The following CUZD1 variants were observed in gnomAD, a reference collection of about 807,000 sequenced individuals.
CUZD1 encodes the protein CUB and zona pellucida-like domain-containing protein 1.
A neutral mutation model predicts 53.1 loss-of-function variants in CUZD1; 42 were observed. The observed-to-expected ratio is 0.79, with a 90% CI of 0.62 to 1.02. The LOEUF is 1.02. Ranked by LOEUF, CUZD1 falls within the 50% of genes least tolerant of loss-of-function variation. CUZD1 has a pLI of 0.00. For missense variants in CUZD1, 670 were observed against 715.7 expected, an observed-to-expected ratio of 0.94 and a Z score of 0.73; for synonymous variants, 238 against 257.2, an observed-to-expected ratio of 0.93 and a Z score of 0.71.
At chr10:122,844,656 T>G (rs1397831991) in intron 1 of CUZD1, among the ~76,000 whole-genome samples, 1 of 152,132 alleles carries the variant, frequency 6.6e-6, no homozygotes, top group Non-Finnish European at 1.5e-5. Flanking sequence ...TCACTTGAGC[T>G]CAGGAGTTCG....
At chr10:122,834,000 TA>T (rs1847203545) in intron 7 of CUZD1, 60 bp from the exon 8 acceptor site, 3 of 1,500,068 alleles carry the variant, frequency 2.0e-6, no homozygotes, top group Non-Finnish European at 2.7e-6. Context: ...TTTTCCATAC[TA>T]AAAAGTTTTC....
chr10:122,836,798 T>C, intron 5 of CUZD1, 33 bp downstream of exon 5: 1 of 1,546,050 alleles, frequency 6.5e-7, no homozygotes, highest in Non-Finnish European at 8.9e-7. Flanking sequence ...TTCGAAGAGC[T>C]CAAAATAGCT....
chr10:122,840,671 T>C (rs1216861928), intron 2 of CUZD1, among the ~76,000 whole-genome samples: 9 of 152,134 alleles, frequency 5.9e-5, no homozygotes, highest in Admixed American at 5.9e-4. Context: ...AAAGCACTTA[T>C]AAATGTATAC....
rs143165793 is a variant in CUZD1 at position 122,843,473 on chromosome 10, G to C, written c.83-2145C>G. On this transcript the variant is annotated intron_variant, in intron 1 of 8. Coordinates refer to ENST00000392790, the MANE Select transcript of CUZD1 (RefSeq NM_022034.6). ...AATAGTTGTTTACTATATTATTTAGGAAATAACAGCAAGGAAAAAAGTTTG... is the reference window on the plus strand; with the variant it reads ...AATAGTTGTTTACTATATTATTTAGCAAATAACAGCAAGGAAAAAAGTTTG... 6.4e-3 allele frequency among the ~76,000 whole-genome samples: 978 copies of C among 152,186 alleles called. 7 individuals carry two copies. The highest frequency in any genetic ancestry group is 9.3e-3 in the South Asian group (45 of 4,820).
Position 122,837,400 on chromosome 10 carries a change from T to A in CUZD1, c.599+4A>T, listed in dbSNP as rs1396090695. 8 of 1,613,950 alleles carry A rather than the reference T, an allele frequency of 5.0e-6. No homozygotes were observed. Among genetic ancestry groups the A allele is most frequent in the Non-Finnish European group, 6.8e-6 (8 of 1,179,958 alleles). Reference sequence around the variant, plus strand: ...TTCCAACAGAATTGGGCAGCAGTACTTACAAAATCTCTTTGAAGTTTAGTT... The same window carrying A: ...TTCCAACAGAATTGGGCAGCAGTACATACAAAATCTCTTTGAAGTTTAGTT... On this transcript the variant is annotated splice_donor_region_variant and intron_variant, in intron 4 of 8. Coordinates refer to ENST00000392790, the MANE Select transcript of CUZD1 (RefSeq NM_022034.6).
intron 4 of CUZD1, 87 bp from the exon 5 acceptor site, chr10:122,837,135 A>T (rs895419958): frequency 9.1e-7 from 1 of 1,102,372 alleles, no homozygotes; most frequent in African/African-American, 1.6e-5. Flanking sequence ...CTCTTAAGTG[A>T]TTATGGATTT....
In CUZD1 at chr10:122,835,025, G is replaced by A. The variant is rs774856051; in HGVS notation, c.1063C>T (p.Arg355Cys). The A allele has an allele frequency of 3.3e-5, 54 of 1,612,780 alleles. No individual in the cohort carries two copies. The highest frequency in any genetic ancestry group is 7.7e-5 in the South Asian group (7 of 90,894). The stretch of plus-strand genomic sequence containing the variant: ...ACAATAATCTGGAGTTGTTTCTGAC[G>A]GGTGATCACTTCAGAAGTTGAGGAT... ...SASSTSEVITRQKQLQIIVKC... is the reference protein window; with the variant it reads ...SASSTSEVITCQKQLQIIVKC... Residue 355 changes from arginine (R) to cysteine (C), a missense_variant, in exon 7 of 9, where the codon CGT becomes TGT. Transcript: ENST00000392790.
rs753825900 is a variant in CUZD1, at chr10:122,832,384, G to A, written c.1718C>T (p.Ser573Phe). The A allele has an allele frequency of 9.3e-6, 15 of 1,613,994 alleles. No homozygotes were observed. In the African/African-American group the frequency reaches 1.3e-4, roughly 14 times the overall value. ...CACATTCAGAGCTAGAACCATGAAG[G>A]AAAACAGATGCACACTGTTGAAAGG... ...NQPFNSVHLF[S>F]FMVLALNVVT... is the part of the protein sequence containing the mutation. The change falls in exon 9 of 9, where the codon TCC becomes TTC. Residue 573 changes from serine to phenylalanine, a missense_variant. Coordinates refer to ENST00000392790, the MANE Select transcript of CUZD1 (RefSeq NM_022034.6).
chr10:122,833,719 A>G lies in CUZD1; in HGVS notation c.1604T>C (p.Ile535Thr), dbSNP rs1847195855. Residue 535 changes from isoleucine to threonine, a missense_variant, in exon 8 of 9, where the codon ATA (isoleucine) becomes ACA (threonine). Physicochemically the swap from Ile to Thr is moderately conservative, Grantham distance 89. Transcript: ENST00000392790. ...ATCCCTTTTCAGACGAATGGGTCCT[A>G]TGATGGAATCTGTTTTCCATTTATA... is the stretch of plus-strand genomic sequence containing the variant. ...SSYKWKTDSIIGPIRLKRDRS... is the reference protein window; with the variant it reads ...SSYKWKTDSITGPIRLKRDRS... 6.2e-7 allele frequency: 1 copy of G among 1,613,932 alleles called. No individual in the cohort carries two copies. Among genetic ancestry groups the G allele is most frequent in the Non-Finnish European group, 8.5e-7 (1 of 1,179,952 alleles).
chr10:122,838,797 C>G (rs1044501188), intron 3 of CUZD1, among the ~76,000 whole-genome samples: 11 of 152,180 alleles, frequency 7.2e-5, no homozygotes, highest in Admixed American at 2.6e-4. Context: ...CATCCAGAAC[C>G]AATGAATCAC....
chr10:122,841,107 G>T, intron 2 of CUZD1, 71 bp downstream of exon 2: 1 of 1,404,744 alleles, frequency 7.1e-7, no homozygotes. Flanking sequence ...TTTCTACAGA[G>T]AGTCCCCCTA....
At position 122,832,416 on chromosome 10, in the gene CUZD1, T is replaced by C; in HGVS notation, c.1686A>G (p.Pro562=). The change falls in exon 9 of 9, where the codon CCA becomes CCG. Residue 562 remains proline (P), a synonymous_variant. Transcript: ENST00000392790. ...GATGCACACTGTTGAAAGGCTGGTT[T>C]GGAGTTTCTTCCGCATGTGTTTCAT... ...FQHETHAEET[P]NQPFNSVHLF... is the part of the protein sequence containing the mutation. 1 of 1,614,074 alleles carries C rather than the reference T, an allele frequency of 6.2e-7. No homozygotes were observed. Among genetic ancestry groups the C allele is most frequent in the Non-Finnish European group, 8.5e-7 (1 of 1,179,932 alleles).
intron 8 of CUZD1, 64 bp from the exon 9 acceptor site, chr10:122,832,514 G>A: frequency 1.4e-6 from 2 of 1,451,206 alleles, no homozygotes; most frequent in African/African-American, 1.4e-5. Context: ...AATGTTGGTA[G>A]CTTTTATAAT....
intron 5 of CUZD1, 105 bp from the exon 6 acceptor site, chr10:122,836,455 C>T (rs959943805): frequency 1.0e-6 from 1 of 1,004,078 alleles, no homozygotes; most frequent in Admixed American, 3.3e-5. Context: ...AAGTCAAAAC[C>T]ATTTTGCCCT....
At chr10:122,835,437 T>C (rs986562985) in intron 6 of CUZD1, among the ~76,000 whole-genome samples, 3 of 152,200 alleles carry the variant, frequency 2.0e-5, no homozygotes, top group Non-Finnish European at 4.4e-5. Flanking sequence ...TTTAAGTTAG[T>C]GTGGCTAACT....
chr10:122,833,082 T>G (rs901057046), intron 8 of CUZD1, among the ~76,000 whole-genome samples: 3 of 152,226 alleles, frequency 2.0e-5, no homozygotes, highest in African/African-American at 7.2e-5. Context: ...CATTTACAAC[T>G]AAAATAACTT....
In CUZD1 at chr10:122,841,313, G is replaced by A; in HGVS notation, c.98C>T (p.Thr33Ile). 1.2e-6 allele frequency: 2 copies of A among 1,607,546 alleles called. No individual in the cohort carries two copies. Among genetic ancestry groups the A allele is most frequent in the Non-Finnish European group, 1.7e-6 (2 of 1,177,378 alleles). Residue 33 changes from threonine to isoleucine, a missense_variant, in exon 2 of 9, where the codon ACA becomes ATA. Transcript: ENST00000392790. Reference protein sequence around the residue: ...MAEAEGNASCTVSLGGANMAE... With the variant: ...MAEAEGNASCIVSLGGANMAE... ...CATATTGGCACCCCCTAGACTGACT[G>A]TGCAGCTTGCATTGCCTGTTAGAGA...
At chr10:122,843,046 G>A (rs758777936) in intron 1 of CUZD1, among the ~76,000 whole-genome samples, 1 of 152,210 alleles carries the variant, frequency 6.6e-6, no homozygotes, top group Non-Finnish European at 1.5e-5. Context: ...ATGGAAAACA[G>A]TCTGGCAGTT....
intron 1 of CUZD1, 52 bp from the exon 2 acceptor site, chr10:122,841,380 C>A: frequency 6.6e-7 from 1 of 1,511,654 alleles, no homozygotes; most frequent in South Asian, 1.4e-5. Flanking sequence ...CCTTTCCCCT[C>A]CCTGAGAGAT....
Sources: allele counts gnomAD v4.1 joint callset (sites outside exome capture counted in the v4.1 genomes callset), GRCh38; gene constraint gnomAD v4.1.1; transcripts MANE v1.5; gene names NCBI Gene and HGNC (gene_info 2026-07-23, HGNC 2026-07-21).